SEPTIN3: variants seen among roughly 807,000 people sequenced by gnomAD.
SEPTIN3 encodes neuronal-specific septin-3.
Under a neutral mutation model 45.1 loss-of-function variants are expected in SEPTIN3, and 15 were observed. The ratio of observed to expected loss-of-function variants is 0.33; its 90% CI spans 0.22 to 0.51. SEPTIN3 has a LOEUF of 0.51. Among genes scored for constraint, SEPTIN3 ranks in the 20% least tolerant of loss-of-function variants. SEPTIN3 has a pLI of 0.97. For synonymous variants in SEPTIN3, 148 were observed against 164.8 expected (o/e 0.90, Z 0.78); for missense variants, 289 against 457.2 (o/e 0.63, Z 3.35).
intron 2 of SEPTIN3, among the ~76,000 whole-genome samples, chr22:41,977,395 C>A (rs953164765): frequency 6.6e-6 from 1 of 152,058 alleles, no homozygotes; most frequent in Non-Finnish European, 1.5e-5. Context: ...CCATGCCAGC[C>A]GGATGAGAGA....
rs1569436272 is a variant in SEPTIN3 at position 41,976,571 on chromosome 22, C to G, written c.1504+3575C>G. ...CCTGCGCCCCTCCGCCCGTCCCCGCCGCAGCCCAGTGGGTAAGGGGCGGGG... is the reference window on the plus strand; with the variant it reads ...CCTGCGCCCCTCCGCCCGTCCCCGCGGCAGCCCAGTGGGTAAGGGGCGGGG... On this transcript the variant is annotated intron_variant, in intron 2 of 11. Transcript: ENST00000644076. This position sits in a 1 kb window ranked among gnomAD's most constrained non-coding sequence, Gnocchi z 5.8. 6.6e-6 allele frequency: 1 copy of G among 152,254 alleles called. No individual in the cohort carries two copies. The highest frequency in any genetic ancestry group is 1.5e-5 in the Non-Finnish European group (1 of 68,156). The allele number at this position is 152,254 out of a possible 1,614,324, so 9.4% of individuals were successfully genotyped here.
intron 2 of SEPTIN3, chr22:41,977,102 C>T (rs1430679381): frequency 6.3e-7 from 1 of 1,589,994 alleles, no homozygotes; most frequent in Non-Finnish European, 8.5e-7. Flanking sequence ...GCCACCGGCA[C>T]CCGCCAGGAG....
intron 8 of SEPTIN3, 68 bp downstream of exon 8, chr22:41,991,736 G>A (rs553621038): frequency 2.8e-5 from 30 of 1,054,236 alleles, no homozygotes; most frequent in African/African-American, 1.1e-4. Context: ...TATTGTGCAC[G>A]TCCTCTGTCT....
chr22:41,987,856 C>A, intron 6 of SEPTIN3, 97 bp downstream of exon 6: 1 of 1,324,916 alleles, frequency 7.5e-7, no homozygotes, highest in Non-Finnish European at 1.0e-6. Context: ...TCAGCTAGGC[C>A]TCCCTAGCTG....
At chr22:41,973,622 G>A (rs1466326637) in intron 2 of SEPTIN3, among the ~76,000 whole-genome samples, 5 of 151,190 alleles carry the variant, frequency 3.3e-5, no homozygotes, top group Non-Finnish European at 5.9e-5. Flanking sequence ...GCAATGAGCC[G>A]AGATCATGCC....
rs2077975889 is a variant in SEPTIN3, at chr22:41,973,109, G to A, written c.1504+113G>A. ...TGAGAAACGGAGGAAGGACTCTAAG[G>A]TCAGGGTTGAATGGGTTGGGAGAAA... On this transcript the variant is annotated intron_variant, in intron 2 of 11. Coordinates refer to ENST00000644076, the MANE Select transcript of SEPTIN3 (RefSeq NM_001363845.2). 1.0e-5 allele frequency: 4 copies of A among 397,438 alleles called. No individual in the cohort carries two copies. In the South Asian group the frequency reaches 5.7e-4, roughly 56 times the overall value. The allele number at this position is 397,438 out of a possible 1,614,324, so 24.6% of individuals were successfully genotyped here.
At chr22:41,991,164 T>G (rs1308256005) in intron 7 of SEPTIN3, among the ~76,000 whole-genome samples, 1 of 152,134 alleles carries the variant, frequency 6.6e-6, no homozygotes, top group Non-Finnish European at 1.5e-5. Context: ...AAGTCGACCT[T>G]GAAAGAGGGC....
At chr22:41,996,453 A>G (rs2078439453) in intron 11 of SEPTIN3, 1 of 988,442 alleles carries the variant, frequency 1.0e-6, no homozygotes, top group South Asian at 4.7e-5. Flanking sequence ...CCAGTCTTTT[A>G]TCACTCAGGT....
intron 3 of SEPTIN3, among the ~76,000 whole-genome samples, chr22:41,982,820 G>A (rs1194059668): frequency 2.0e-5 from 3 of 152,052 alleles, no homozygotes; most frequent in Admixed American, 1.3e-4. Context: ...GAACCTGGGA[G>A]GTGGAGGTTG....
At chr22:41,975,240 G>T (rs1358716298) in intron 2 of SEPTIN3, among the ~76,000 whole-genome samples, 1 of 152,214 alleles carries the variant, frequency 6.6e-6, no homozygotes, top group Non-Finnish European at 1.5e-5. Context: ...ACCAAAGCTG[G>T]CTGGTGGCAG....
At chr22:41,973,394 C>T (rs924963185) in intron 2 of SEPTIN3, among the ~76,000 whole-genome samples, 29 of 151,652 alleles carry the variant, frequency 1.9e-4, no homozygotes, top group African/African-American at 6.5e-4. Context: ...CGGTGGCTCA[C>T]GCCTGTAATC....
chr22:41,985,146 C>T (rs897596359), intron 3 of SEPTIN3, among the ~76,000 whole-genome samples: 3 of 152,214 alleles, frequency 2.0e-5, no homozygotes, highest in Non-Finnish European at 4.4e-5. Context: ...GTGTGAGCCA[C>T]GGCAAACGGC....
intron 5 of SEPTIN3, 56 bp downstream of exon 5, chr22:41,987,343 C>CA: frequency 6.8e-7 from 1 of 1,466,436 alleles, no homozygotes; most frequent in Non-Finnish European, 9.5e-7. Context: ...AAGATACTTA[C>CA]TATGGTGCAG....
intron 4 of SEPTIN3, 40 bp from the exon 5 acceptor site, chr22:41,987,166 T>C: frequency 6.4e-7 from 1 of 1,559,574 alleles, no homozygotes; most frequent in Non-Finnish European, 8.8e-7. Context: ...GGGTCAGCTG[T>C]AGGACTGACC....
At chr22:41,996,341 T>G (rs897715799) in intron 11 of SEPTIN3, 2 of 985,266 alleles carry the variant, frequency 2.0e-6, no homozygotes, top group African/African-American at 1.7e-5. Flanking sequence ...GGGAAAACAC[T>G]AAGTGAAACT....
At chr22:41,995,779 C>A in intron 11 of SEPTIN3, 1 of 953,530 alleles carries the variant, frequency 1.0e-6, no homozygotes, top group Non-Finnish European at 1.2e-6. Flanking sequence ...AGCTCACAGG[C>A]AGCCAATGTA....
At chr22:41,984,313 A>G (rs1474792567) in intron 3 of SEPTIN3, among the ~76,000 whole-genome samples, 2 of 152,170 alleles carry the variant, frequency 1.3e-5, no homozygotes, top group Non-Finnish European at 2.9e-5. Flanking sequence ...TTTCTAATAT[A>G]ATCACAAGAA....
In SEPTIN3 at chr22:41,994,599, C is replaced by G. The variant is rs919605099; in HGVS notation, c.2412-22C>G. 5.0e-6 allele frequency: 8 copies of G among 1,613,792 alleles called. No homozygotes were observed. The African/African-American group carries it at 1.1e-4, about 22-fold the overall frequency. ...TCCTGCCCCTAATTGCAGCCCTCTT[C>G]TTCTCACCCTGTGTCCTCTAGGACC... On this transcript the variant is annotated intron_variant, in intron 10 of 11. Coordinates refer to ENST00000644076, the MANE Select transcript of SEPTIN3 (RefSeq NM_001363845.2). This position sits in a 1 kb window ranked among gnomAD's most constrained non-coding sequence, Gnocchi z 4.2.
chr22:41,987,788 G>C (rs764349818), intron 6 of SEPTIN3, 29 bp downstream of exon 6: 1 of 1,595,136 alleles, frequency 6.3e-7, no homozygotes, highest in South Asian at 1.1e-5. Context: ...CCTATTGTCA[G>C]GCCTGGTCTG....
Sources: allele counts gnomAD v4.1 joint callset (sites outside exome capture counted in the v4.1 genomes callset), GRCh38; gene constraint gnomAD v4.1.1; non-coding constraint Gnocchi (gnomAD v3.1); transcripts MANE v1.5; gene names NCBI Gene and HGNC (gene_info 2026-07-23, HGNC 2026-07-21).